Variants in CCDC149 observed in about 807,000 individuals in gnomAD.
CCDC149 encodes the protein coiled-coil domain-containing protein 149.
CCDC149 carries 45 observed loss-of-function variants against 59.9 expected under a neutral mutation model. The ratio of observed to expected loss-of-function variants is 0.75; its 90% CI spans 0.59 to 0.96. CCDC149 has a LOEUF of 0.96. Ranked by LOEUF, CCDC149 falls within the 40% of genes least tolerant of loss-of-function variation. The pLI is 0.00. For missense variants in CCDC149, 584 were observed against 664.7 expected (o/e 0.88, Z 1.33); for synonymous variants, 245 against 260.6 (o/e 0.94, Z 0.58).
intron 9 of CCDC149, chr4:24,830,405 A>C (rs973882193): frequency 1.9e-4 from 29 of 152,238 alleles, no homozygotes; most frequent in African/African-American, 7.0e-4. Flanking sequence ...TCTCCTGTCA[A>C]TAAATTACCC....
intron 12 of CCDC149, among the ~76,000 whole-genome samples, chr4:24,819,277 T>C (rs1279036046): frequency 6.6e-6 from 1 of 152,238 alleles, no homozygotes; most frequent in Admixed American, 6.5e-5. Flanking sequence ...GCCAATGTGA[T>C]GTGGACCTGG....
chr4:24,971,118 C>T (rs1420063123), intron 1 of CCDC149, among the ~76,000 whole-genome samples: 1 of 152,192 alleles, frequency 6.6e-6, no homozygotes, highest in East Asian at 1.9e-4. Flanking sequence ...TAACAGCAGC[C>T]CTGCAAAGGG....
rs1716625675 is a variant in CCDC149 at position 24,837,543 on chromosome 4, C to T, written c.490-143G>A. On this transcript the variant is annotated intron_variant, in intron 5 of 12. Transcript: ENST00000635206. The surrounding 1 kb of genome is among the most constrained non-coding windows in gnomAD (Gnocchi z 4.3). ...ATGCCCTAAAGCCATAAGCGCCACA[C>T]ACTGAAATACAATAACAGCTAAAAG... 1 of 671,374 alleles carries T rather than the reference C, an allele frequency of 1.5e-6. No homozygotes were observed. The highest frequency in any genetic ancestry group is 2.5e-6 in the Non-Finnish European group (1 of 397,794). The allele number at this position is 671,374 out of a possible 1,614,324, so 41.6% of individuals were successfully genotyped here.
chr4:24,902,442 T>G (rs1390552651), intron 1 of CCDC149, among the ~76,000 whole-genome samples: 1 of 152,234 alleles, frequency 6.6e-6, no homozygotes, highest in Non-Finnish European at 1.5e-5. Context: ...ATTCACCATC[T>G]GGTCCTCCCT....
At position 24,813,499 on chromosome 4, in the gene CCDC149, T is replaced by TATATATATATATATAC. The variant is rs1553846362; in HGVS notation, c.1193-4681_1193-4680insGTATATATATATATAT. Among the ~76,000 whole-genome samples, 9 of 18,298 alleles carry TATATATATATATATAC rather than the reference T, an allele frequency of 4.9e-4. 2 individuals carry two copies. Among genetic ancestry groups the TATATATATATATATAC allele is most frequent in the African/African-American group, 1.1e-3 (9 of 8,098 alleles). The allele number at this position is 18,298 out of a possible 152,430, so 12.0% of individuals were successfully genotyped here. A position where few individuals can be genotyped will look rare whatever the true frequency, so the allele number is the denominator to read the frequency against. Reference sequence around the variant, plus strand: ...AGGTTCAGCTTGGGGAATATATATATATATATATATATATATATATATATA... The same window carrying TATATATATATATATAC: ...AGGTTCAGCTTGGGGAATATATATATATATATATATATATACATATATATATATATATATATATATA... On this transcript the variant is annotated intron_variant, in intron 12 of 12. Transcript: ENST00000635206.
chr4:24,907,348 GA>G (rs1340652816), intron 1 of CCDC149, among the ~76,000 whole-genome samples: 3 of 152,054 alleles, frequency 2.0e-5, no homozygotes, highest in Non-Finnish European at 4.4e-5. Context: ...CTCCCTCTTC[GA>G]AAAGAAGCCC....
At chr4:24,928,763 C>T (rs1292453581) in intron 1 of CCDC149, among the ~76,000 whole-genome samples, 2 of 152,170 alleles carry the variant, frequency 1.3e-5, no homozygotes, top group South Asian at 2.1e-4. Context: ...CAGGTGCTGT[C>T]ATGGTCTTCA....
chr4:24,944,629 C>G (rs1427957516), intron 1 of CCDC149, among the ~76,000 whole-genome samples: 1 of 151,496 alleles, frequency 6.6e-6, no homozygotes, highest in African/African-American at 2.4e-5. Flanking sequence ...AGCATTAGGA[C>G]AAATACCTAA....
At chr4:24,952,364 G>A (rs1242377977) in intron 1 of CCDC149, among the ~76,000 whole-genome samples, 1 of 151,788 alleles carries the variant, frequency 6.6e-6, no homozygotes. Flanking sequence ...TGCCAAGGCA[G>A]GAGGATCACT....
upstream of CCDC149, among the ~76,000 whole-genome samples, chr4:24,916,824 G>GTGTGTACA (rs773321362): frequency 4.0e-5 from 6 of 148,294 alleles, no homozygotes; most frequent in African/African-American, 1.5e-4. Flanking sequence ...GTGTGTGTGT[G>GTGTGTACA]TACATATATT....
At chr4:24,909,999 C>G (rs192844156) in intron 1 of CCDC149, among the ~76,000 whole-genome samples, 3 of 152,298 alleles carry the variant, frequency 2.0e-5, no homozygotes, top group African/African-American at 7.2e-5. Context: ...ATTGCTGTAA[C>G]AAATGATCAT....
chr4:24,913,301 C>T (rs897477079), upstream of CCDC149, among the ~76,000 whole-genome samples: 2 of 152,134 alleles, frequency 1.3e-5, no homozygotes, highest in African/African-American at 4.8e-5. Flanking sequence ...AAATCCAGTC[C>T]TTCTCCGACC....
At chr4:24,905,303 G>A (rs1721412019) in intron 1 of CCDC149, among the ~76,000 whole-genome samples, 1 of 151,560 alleles carries the variant, frequency 6.6e-6, no homozygotes, top group Non-Finnish European at 1.5e-5. Context: ...TTTTAACAGA[G>A]TCCGCCAAAG....
At chr4:24,914,109 G>C (rs747450593), upstream of CCDC149, among the ~76,000 whole-genome samples, 3 of 152,140 alleles carry the variant, frequency 2.0e-5, no homozygotes, top group Non-Finnish European at 4.4e-5. Flanking sequence ...CTGTGAAATG[G>C]ATGTTATCCT....
At chr4:24,836,601 A>C (rs1321123175) in intron 6 of CCDC149, 93 bp from the exon 7 acceptor site, 2 of 770,180 alleles carry the variant, frequency 2.6e-6, no homozygotes, top group African/African-American at 3.5e-5. Flanking sequence ...ACCACTTGCC[A>C]GAAGAGCTAT....
intron 1 of CCDC149, 151 bp downstream of exon 1, chr4:24,912,666 C>G (rs1721946635): frequency 2.8e-6 from 1 of 358,758 alleles, no homozygotes; most frequent in Non-Finnish European, 4.4e-6. Flanking sequence ...AGCGGCGCAC[C>G]TGGCGGGGTC....
intron 12 of CCDC149, among the ~76,000 whole-genome samples, chr4:24,816,931 TC>T (rs1715049493): frequency 6.6e-6 from 1 of 152,174 alleles, no homozygotes; most frequent in Non-Finnish European, 1.5e-5. Flanking sequence ...GGCTTTGTCC[TC>T]CCAAGCGCGC....
intron 1 of CCDC149, among the ~76,000 whole-genome samples, chr4:24,969,878 G>A (rs1200011111): frequency 6.6e-6 from 1 of 152,208 alleles, no homozygotes; most frequent in Non-Finnish European, 1.5e-5. Context: ...AGTGTGACTT[G>A]CATTTCACTC....
chr4:24,916,394 A>C (rs1722120352), upstream of CCDC149, among the ~76,000 whole-genome samples: 1 of 152,222 alleles, frequency 6.6e-6, no homozygotes, highest in African/African-American at 2.4e-5. Context: ...AACAAACAAA[A>C]AATCTCTGGA....
Sources: gnomAD v4.1 joint callset for allele counts (sites outside exome capture counted in the v4.1 genomes callset) on GRCh38, gnomAD v4.1.1 for gene constraint, Gnocchi (gnomAD v3.1) non-coding constraint, MANE v1.5 for transcripts, NCBI Gene and HGNC (gene_info 2026-07-23, HGNC 2026-07-21) for gene names.